NR3C2: variants seen among roughly 807,000 people sequenced by gnomAD.
NR3C2 encodes nuclear receptor subfamily 3 group C member 2, also known as mineralocorticoid receptor.
In NR3C2, 15 loss-of-function variants were observed where a neutral mutation model predicts 86.4. The observed-to-expected ratio is 0.17, with a 90% CI of 0.12 to 0.27. The LOEUF (loss-of-function observed/expected upper bound fraction) is 0.27. Ranked by LOEUF, NR3C2 falls within the 10% of genes least tolerant of loss-of-function variation. NR3C2 has a pLI of 1.00. For missense variants in NR3C2, 960 were observed against 1,195.6 expected, an observed-to-expected ratio of 0.80 and a Z score of 2.91; for synonymous variants, 458 against 450.5, an observed-to-expected ratio of 1.02 and a Z score of -0.21.
chr4:148,234,004 T>G (rs1738603141), intron 3 of NR3C2, among the ~76,000 whole-genome samples: 2 of 152,114 alleles, frequency 1.3e-5, no homozygotes, highest in Admixed American at 1.3e-4. Context: ...ATGCAATAAC[T>G]GCAAGGCACA....
intron 8 of NR3C2, among the ~76,000 whole-genome samples, chr4:148,098,676 G>C (rs549535936): frequency 3.3e-4 from 51 of 152,338 alleles, no homozygotes; most frequent in African/African-American, 1.1e-3. Context: ...ATACATTTTA[G>C]TGAGTAGGTG....
intron 2 of NR3C2, among the ~76,000 whole-genome samples, chr4:148,361,502 G>C (rs1561063741): frequency 6.6e-6 from 1 of 152,200 alleles, no homozygotes; most frequent in Non-Finnish European, 1.5e-5. Context: ...GCCCTTAGGG[G>C]CCTCTGAGAT....
intron 3 of NR3C2, among the ~76,000 whole-genome samples, chr4:148,211,743 GC>G (rs11326129): frequency 1 from 152,308 of 152,308 alleles, 76,154 homozygotes; most frequent in Non-Finnish European, 1. Context: ...AGTTTTCCCA[GC>G]CTCTGCATTC....
chr4:148,318,012 C>T (rs1330633204), intron 2 of NR3C2, among the ~76,000 whole-genome samples: 1 of 144,042 alleles, frequency 6.9e-6, no homozygotes, highest in East Asian at 2.1e-4. Context: ...TCTCCCAATG[C>T]TATCCCTCCC....
intron 3 of NR3C2, among the ~76,000 whole-genome samples, chr4:148,195,205 C>T (rs562611492): frequency 6.6e-6 from 1 of 152,278 alleles, no homozygotes; most frequent in South Asian, 2.1e-4. Flanking sequence ...AACAAAAATC[C>T]TACTGCAGCT....
At chr4:148,276,833 A>G (rs1463731450) in intron 2 of NR3C2, among the ~76,000 whole-genome samples, 1 of 152,214 alleles carries the variant, frequency 6.6e-6, no homozygotes, top group Non-Finnish European at 1.5e-5. Context: ...TATACTATGA[A>G]ATCCTTCATG....
At chr4:148,310,319 T>C (rs1273123458) in intron 2 of NR3C2, among the ~76,000 whole-genome samples, 1 of 152,142 alleles carries the variant, frequency 6.6e-6, no homozygotes, top group Non-Finnish European at 1.5e-5. Flanking sequence ...CCTGCATCTA[T>C]ACAGCTGAAA....
intron 6 of NR3C2, among the ~76,000 whole-genome samples, chr4:148,135,950 G>A (rs1166900970): frequency 1.1e-4 from 13 of 116,862 alleles, no homozygotes; most frequent in Non-Finnish European, 2.0e-4. Context: ...CCAGCTACTT[G>A]GGAGGCTGAG....
At chr4:148,228,992 A>T (rs1334535973) in intron 3 of NR3C2, among the ~76,000 whole-genome samples, 1 of 152,234 alleles carries the variant, frequency 6.6e-6, no homozygotes, top group Admixed American at 6.5e-5. Context: ...ATGGTGAAAG[A>T]GCTGATGACT....
chr4:148,099,878 TTTTTC>T (rs1731456777), intron 8 of NR3C2, among the ~76,000 whole-genome samples: 2 of 152,320 alleles, frequency 1.3e-5, no homozygotes, highest in South Asian at 4.1e-4. Flanking sequence ...TTCAGTGGTT[TTTTTC>T]TCCCTAAAAT....
At chr4:148,300,993 C>T (rs1344655902) in intron 2 of NR3C2, among the ~76,000 whole-genome samples, 2 of 152,166 alleles carry the variant, frequency 1.3e-5, no homozygotes, top group Non-Finnish European at 2.9e-5. Flanking sequence ...CTGTTTTCCT[C>T]ATGGAGCCCC....
At chr4:148,340,470 T>C (rs1744697436) in intron 2 of NR3C2, among the ~76,000 whole-genome samples, 3 of 152,114 alleles carry the variant, frequency 2.0e-5, no homozygotes, top group Non-Finnish European at 2.9e-5. Context: ...TCTTACCATA[T>C]GCAAAAAATC....
At chr4:148,136,056 C>CAAAAAAAAAAAAAAAAAAAAAAACAAAA (rs199716496) in intron 6 of NR3C2, among the ~76,000 whole-genome samples, 1 of 71,180 alleles carries the variant, frequency 1.4e-5, no homozygotes, top group Non-Finnish European at 2.7e-5. Context: ...GACTCCGTCT[C>CAAAAAAAAAAAAAAAAAAAAAAACAAAA]AAAAAAAAAA....
At chr4:148,224,803 G>A (rs1738058299) in intron 3 of NR3C2, among the ~76,000 whole-genome samples, 1 of 152,176 alleles carries the variant, frequency 6.6e-6, no homozygotes, top group Admixed American at 6.6e-5. Flanking sequence ...GTTATAAGGA[G>A]TAGAAGAAAC....
chr4:148,426,954 T>C (rs932969102), intron 2 of NR3C2, among the ~76,000 whole-genome samples: 2 of 151,400 alleles, frequency 1.3e-5, no homozygotes, highest in African/African-American at 4.9e-5. Context: ...CATTTCTTTT[T>C]CTTTTTCTTT....
intron 3 of NR3C2, among the ~76,000 whole-genome samples, chr4:148,210,596 T>C (rs1737235610): frequency 6.6e-6 from 1 of 152,202 alleles, no homozygotes; most frequent in South Asian, 2.1e-4. Flanking sequence ...CTTTTATGCA[T>C]ATTCCCAAAG....
At chr4:148,407,008 AAG>A (rs1748459713) in intron 2 of NR3C2, among the ~76,000 whole-genome samples, 2 of 152,224 alleles carry the variant, frequency 1.3e-5, no homozygotes, top group Non-Finnish European at 2.9e-5. Flanking sequence ...ACCATTTGCA[AAG>A]AGTTAACGTT....
chr4:148,156,777 C>A (rs1464043554), intron 4 of NR3C2, among the ~76,000 whole-genome samples: 10 of 152,122 alleles, frequency 6.6e-5, no homozygotes, highest in Non-Finnish European at 1.2e-4. Flanking sequence ...ACTGGAAATA[C>A]CATTTGACCC....
chr4:148,442,498 C>A, upstream of NR3C2: 1 of 290,244 alleles, frequency 3.4e-6, no homozygotes, highest in Non-Finnish European at 5.1e-6. Flanking sequence ...GGGGAGTGGG[C>A]CAGCTGGAGG....
Sources: gnomAD v4.1 joint callset for allele counts (sites outside exome capture counted in the v4.1 genomes callset) on GRCh38, gnomAD v4.1.1 for gene constraint, MANE v1.5 for transcripts, NCBI Gene and HGNC (gene_info 2026-07-23, HGNC 2026-07-21) for gene names.